The following CMSS1 variants were observed in gnomAD, a reference collection of about 807,000 sequenced individuals.
CMSS1 encodes cms1 ribosomal small subunit homolog.
In CMSS1, 33 loss-of-function variants were observed where a neutral mutation model predicts 43.5. The ratio of observed to expected loss-of-function variants is 0.76; its 90% confidence interval spans 0.57 to 1.01. The LOEUF (loss-of-function observed/expected upper bound fraction) is 1.01. Ranked by LOEUF, CMSS1 falls within the 50% of genes least tolerant of loss-of-function variation. The probability of loss-of-function intolerance (pLI) is 0.00; values close to 1 mark genes in which losing one functional copy is unlikely to be tolerated. For missense variants in CMSS1, 313 were observed against 326.4 expected (o/e 0.96, Z 0.32); for synonymous variants, 115 against 117.2 (o/e 0.98, Z 0.12).
intron 1 of CMSS1, among the ~76,000 whole-genome samples, chr3:99,847,401 T>A (rs190964777): frequency 6.6e-6 from 1 of 152,042 alleles, no homozygotes. Flanking sequence ...TCACAGTGGC[T>A]GGTTCCAGAT....
intron 1 of CMSS1, among the ~76,000 whole-genome samples, chr3:100,132,818 C>CAA (rs537334560): frequency 3.9e-3 from 255 of 65,874 alleles, no homozygotes; most frequent in African/African-American, 7.3e-3. Context: ...GACTCCATCC[C>CAA]AAAAAAAAAA....
intron 6 of CMSS1, among the ~76,000 whole-genome samples, chr3:100,170,301 G>A (rs2067099257): frequency 6.6e-6 from 1 of 152,170 alleles, no homozygotes; most frequent in African/African-American, 2.4e-5. Flanking sequence ...CCCATGTTAG[G>A]TCTGTCCTCA....
chr3:99,958,203 CATT>C (rs71688408), intron 1 of CMSS1, among the ~76,000 whole-genome samples: 57,151 of 132,348 alleles, frequency 0.43, 12,837 homozygotes, highest in East Asian at 0.57. Context: ...GCCCTGCATG[CATT>C]ATTATTATTA....
intron 1 of CMSS1, among the ~76,000 whole-genome samples, chr3:99,945,690 C>G (rs1707987675): frequency 6.6e-6 from 1 of 152,198 alleles, no homozygotes; most frequent in South Asian, 2.1e-4. Flanking sequence ...GCATGCAAAA[C>G]CCAGACAATT....
chr3:100,004,732 G>A (rs1709940274), intron 1 of CMSS1, among the ~76,000 whole-genome samples: 1 of 152,182 alleles, frequency 6.6e-6, no homozygotes, highest in Non-Finnish European at 1.5e-5. Flanking sequence ...TACCTAAAAG[G>A]TAGGATTGGT....
chr3:99,905,166 A>G (rs1280754113), intron 1 of CMSS1, among the ~76,000 whole-genome samples: 3 of 152,122 alleles, frequency 2.0e-5, no homozygotes, highest in African/African-American at 7.2e-5. Flanking sequence ...GAATGTAGGC[A>G]TTTGCCAGGA....
chr3:100,037,129 A>C (rs1246707943), intron 1 of CMSS1, among the ~76,000 whole-genome samples: 1 of 151,544 alleles, frequency 6.6e-6, no homozygotes, highest in Non-Finnish European at 1.5e-5. Context: ...GTAAAATTTG[A>C]ATAAAATGTG....
At chr3:100,063,494 A>C (rs946818992) in intron 1 of CMSS1, among the ~76,000 whole-genome samples, 1 of 151,906 alleles carries the variant, frequency 6.6e-6, no homozygotes, top group African/African-American at 2.4e-5. Flanking sequence ...AATTTACTTT[A>C]AAAAAAAGAA....
chr3:99,938,200 T>C (rs1707749865), intron 1 of CMSS1, among the ~76,000 whole-genome samples: 1 of 152,258 alleles, frequency 6.6e-6, no homozygotes, highest in Non-Finnish European at 1.5e-5. Flanking sequence ...ATAAATACCC[T>C]GATCTGCTAT....
intron 1 of CMSS1, among the ~76,000 whole-genome samples, chr3:100,042,586 A>G (rs1329025274): frequency 6.6e-6 from 1 of 152,252 alleles, no homozygotes; most frequent in Non-Finnish European, 1.5e-5. Context: ...TATGGTTCAG[A>G]CATTGTTAAC....
chr3:100,155,028 A>G (rs1334655218), intron 2 of CMSS1, among the ~76,000 whole-genome samples: 1 of 152,222 alleles, frequency 6.6e-6, no homozygotes, highest in African/African-American at 2.4e-5. Context: ...CTTATTTACT[A>G]AGAGAAAACT....
In CMSS1 at chr3:99,847,592, A is replaced by G. The variant is rs1019784169; in HGVS notation, c.64+29549A>G. On this transcript the variant is annotated intron_variant, in intron 1 of 9. Coordinates refer to ENST00000421999, the MANE Select transcript of CMSS1 (RefSeq NM_032359.4). ...CTCATGAAAACCAAAATTATTCGGT[A>G]GTATTTTATTTCATTATTATAAACA... 5.3e-5 allele frequency among the ~76,000 whole-genome samples: 8 copies of G among 152,214 alleles called. No individual in the cohort carries two copies. In the East Asian group the frequency reaches 5.8e-4, roughly 11 times the overall value.
chr3:100,128,896 CTCTT>C (rs890016726), intron 1 of CMSS1, among the ~76,000 whole-genome samples: 4 of 152,196 alleles, frequency 2.6e-5, no homozygotes, highest in African/African-American at 9.7e-5. Flanking sequence ...TATCCGTTCT[CTCTT>C]GTTGATGGGC....
intron 1 of CMSS1, among the ~76,000 whole-genome samples, chr3:99,844,217 G>GC (rs1365629537): frequency 6.6e-6 from 1 of 152,168 alleles, no homozygotes; most frequent in Non-Finnish European, 1.5e-5. Flanking sequence ...CAATTAACCA[G>GC]CAGAAGAGTT....
chr3:99,830,285 T>A (rs1942627576), intron 1 of CMSS1: 7 of 344,284 alleles, frequency 2.0e-5, no homozygotes, highest in African/African-American at 4.3e-5. Context: ...TGGGGGATGA[T>A]CTTCATCAGG....
At chr3:100,085,074 G>A (rs1344740346) in intron 1 of CMSS1, among the ~76,000 whole-genome samples, 1 of 152,102 alleles carries the variant, frequency 6.6e-6, no homozygotes. Context: ...CCTAAACTAA[G>A]CCGTATCCCC....
chr3:100,068,427 A>G (rs2065704632), intron 1 of CMSS1, among the ~76,000 whole-genome samples: 1 of 152,140 alleles, frequency 6.6e-6, no homozygotes, highest in East Asian at 1.9e-4. Flanking sequence ...ACATTTAACT[A>G]CAAAACATCA....
intron 1 of CMSS1, among the ~76,000 whole-genome samples, chr3:100,000,745 A>G (rs1709818606): frequency 6.6e-6 from 1 of 152,180 alleles, no homozygotes; most frequent in Non-Finnish European, 1.5e-5. Context: ...TCTAACCCCT[A>G]TTCCCCAGGA....
At chr3:100,010,956 GT>G (rs971692316) in intron 1 of CMSS1, among the ~76,000 whole-genome samples, 2 of 151,738 alleles carry the variant, frequency 1.3e-5, no homozygotes, top group Non-Finnish European at 2.9e-5. Flanking sequence ...CATAGTTTAA[GT>G]CTACAAATAA....
Sources: allele counts gnomAD v4.1 joint callset (sites outside exome capture counted in the v4.1 genomes callset), GRCh38; gene constraint gnomAD v4.1.1; transcripts MANE v1.5; gene names NCBI Gene and HGNC (gene_info 2026-07-23, HGNC 2026-07-21).